ASXL2: variants seen among roughly 807,000 people sequenced by gnomAD.
The protein encoded by ASXL2 is ASXL transcriptional regulator 2, also known as putative Polycomb group protein ASXL2.
Under a neutral mutation model 122.0 loss-of-function variants are expected in ASXL2, and 23 were observed. The ratio of observed to expected loss-of-function variants is 0.19; its 90% confidence interval spans 0.14 to 0.27. ASXL2 has a LOEUF of 0.27. ASXL2 is among the 10% of genes least tolerant of loss of function. The pLI is 1.00. For missense variants in ASXL2, 1,518 were observed against 1,713.8 expected (o/e 0.89, Z 2.02); for synonymous variants, 650 against 637.0 (o/e 1.02, Z -0.31).
chr2:25,870,403 G>C (rs1022890357), intron 1 of ASXL2, among the ~76,000 whole-genome samples: 11 of 152,058 alleles, frequency 7.2e-5, no homozygotes, highest in African/African-American at 2.7e-4. Flanking sequence ...CGTGCCTGTA[G>C]TCCCAGCTAC....
At chr2:25,878,139 C>A (rs368058989) in intron 1 of ASXL2, 27 bp downstream of exon 1, 43 of 1,613,214 alleles carry the variant, frequency 2.7e-5, no homozygotes, top group South Asian at 6.6e-5. Flanking sequence ...ATCCTCCCGG[C>A]CTTCCCCTTC....
chr2:25,877,420 A>G (rs985654939), intron 1 of ASXL2, among the ~76,000 whole-genome samples: 6 of 152,164 alleles, frequency 3.9e-5, no homozygotes, highest in Non-Finnish European at 8.8e-5. Context: ...AATTAGGGGG[A>G]AAATTGTTTT....
At position 25,744,397 on chromosome 2, in the gene ASXL2, G is replaced by T. The variant is rs772199329; in HGVS notation, c.1940C>A (p.Thr647Asn). 6.2e-7 allele frequency: 1 copy of T among 1,613,894 alleles called. No homozygotes were observed. The highest frequency in any genetic ancestry group is 1.7e-5 in the Admixed American group (1 of 59,980). ...TCTGGCTCCTGTTCTGTTAGGACTA[G>T]TGATGGAGACTGGAAAACGAGCCCT... ...SPRARFPVSITSPNRTGARTL... is the reference protein window; with the variant it reads ...SPRARFPVSINSPNRTGARTL... Residue 647 changes from threonine (T) to asparagine (N), a missense_variant, in exon 13 of 13, where the codon ACT (threonine) becomes AAT (asparagine). Physicochemically the swap from Thr to Asn is moderately conservative, Grantham distance 65 (BLOSUM62 0). Transcript: ENST00000435504. The surrounding 1 kb of genome is among the most constrained non-coding windows in gnomAD (Gnocchi z 4.7).
intron 1 of ASXL2, among the ~76,000 whole-genome samples, chr2:25,869,196 G>A (rs954907571): frequency 6.6e-6 from 1 of 151,828 alleles, no homozygotes; most frequent in Non-Finnish European, 1.5e-5. Context: ...CAGGCATGGT[G>A]GCATGTGCCT....
chr2:25,791,141 G>A lies in ASXL2; in HGVS notation c.403+8244C>T, dbSNP rs78719404. On this transcript the variant is annotated intron_variant, in intron 5 of 12. Transcript: ENST00000435504. ...CCTGGTGTCTGGCTATGAAAATTTG[G>A]AAGAGTCATCAGTGTCTCCATTCTC... Among the ~76,000 whole-genome samples the A allele has an allele frequency of 8.2e-3, 1,248 of 151,920 alleles. 10 individuals carry two copies. The highest frequency in any genetic ancestry group is 0.029 in the African/African-American group (1,215 of 41,422).
rs1276991944 is a variant in ASXL2 at position 25,741,251 on chromosome 2, G to C, written c.*778C>G. Reference sequence around the variant, plus strand: ...TGCACAGCCTGTAACAACACAGGGGGTCCCAGAGAGGCACTCCCTTCACGG... The same window carrying C: ...TGCACAGCCTGTAACAACACAGGGGCTCCCAGAGAGGCACTCCCTTCACGG... On this transcript the variant is annotated 3_prime_UTR_variant, in exon 13 of 13. Coordinates refer to ENST00000435504, the MANE Select transcript of ASXL2 (RefSeq NM_018263.6). 4.4e-6 allele frequency: 1 copy of C among 225,820 alleles called. No individual in the cohort carries two copies. The highest frequency in any genetic ancestry group is 8.8e-6 in the Non-Finnish European group (1 of 113,572). The allele number at this position is 225,820 out of a possible 1,614,324, so 14.0% of individuals were successfully genotyped here. A position where few individuals can be genotyped will look rare whatever the true frequency, so the allele number is the denominator to read the frequency against.
Position 25,756,079 on chromosome 2 carries a change from T to C in ASXL2, c.975A>G (p.Ser325=), listed in dbSNP as rs1175312357. The C allele has an allele frequency of 6.2e-7, 1 of 1,610,438 alleles. No individual in the cohort carries two copies. The highest frequency in any genetic ancestry group is 8.5e-7 in the Non-Finnish European group (1 of 1,178,544). ...GPDGLMKLNG[S]ALNNEFFTSA... The stretch of plus-strand genomic sequence containing the variant: ...AAGTGAAGAATTCATTGTTAAGGGC[T>C]GAGCCATTTAACTTCATTAAACCAT... The change falls in exon 10 of 13, where the codon TCA becomes TCG. Residue 325 remains serine (S), a synonymous_variant. Coordinates refer to ENST00000435504, the MANE Select transcript of ASXL2 (RefSeq NM_018263.6).
At chr2:25,811,621 A>T (rs1293776588) in intron 3 of ASXL2, among the ~76,000 whole-genome samples, 1 of 152,178 alleles carries the variant, frequency 6.6e-6, no homozygotes, top group Non-Finnish European at 1.5e-5. Context: ...TAGTGGTTAT[A>T]AAAAGGCAAA....
At chr2:25,747,526 A>G (rs970604529) in intron 12 of ASXL2, among the ~76,000 whole-genome samples, 14 of 152,208 alleles carry the variant, frequency 9.2e-5, no homozygotes. Context: ...AACTGAAAAA[A>G]GTAAAATTAT....
At chr2:25,869,250 G>T (rs2089939961) in intron 1 of ASXL2, among the ~76,000 whole-genome samples, 1 of 151,894 alleles carries the variant, frequency 6.6e-6, no homozygotes, top group African/African-American at 2.4e-5. Flanking sequence ...AGGATCACCT[G>T]AGCCTGGGAG....
In ASXL2 at chr2:25,799,426, C is replaced by T. The variant is rs944105395; in HGVS notation, c.362G>A (p.Gly121Asp). The T allele has an allele frequency of 1.9e-6, 3 of 1,613,850 alleles. No individual in the cohort carries two copies. The highest frequency in any genetic ancestry group is 1.7e-5 in the Admixed American group (1 of 59,998). The stretch of plus-strand genomic sequence containing the variant: ...GCTCTTTTTTCCCTCCTTGTTGCTG[C>T]CACCATCACTGCTGCTGCTGCTGTT... ...SENSSSSSDG[G>D]SNKEGKKSRW... Residue 121 changes from glycine (G) to aspartate (D), a missense_variant, in exon 5 of 13, where the codon GGC becomes GAC. Gly to Asp is a moderately conservative substitution (Grantham distance 94, BLOSUM62 -1). Coordinates refer to ENST00000435504, the MANE Select transcript of ASXL2 (RefSeq NM_018263.6).
At chr2:25,760,594 T>C (rs1574401386) in intron 8 of ASXL2, among the ~76,000 whole-genome samples, 2 of 152,372 alleles carry the variant, frequency 1.3e-5, no homozygotes, top group African/African-American at 4.8e-5. Flanking sequence ...AAATTCTACA[T>C]TTTGAATTGC....
chr2:25,840,292 C>A (rs1317336504), intron 2 of ASXL2, among the ~76,000 whole-genome samples: 1 of 152,186 alleles, frequency 6.6e-6, no homozygotes, highest in Non-Finnish European at 1.5e-5. Context: ...CACCTAACTT[C>A]TTAAAGGGGC....
At chr2:25,802,013 TACCAC>T (rs1331444547) in intron 4 of ASXL2, among the ~76,000 whole-genome samples, 1 of 152,226 alleles carries the variant, frequency 6.6e-6, no homozygotes, top group Non-Finnish European at 1.5e-5. Context: ...CTGGAATCTT[TACCAC>T]TTAAGTCCAC....
intron 5 of ASXL2, among the ~76,000 whole-genome samples, chr2:25,796,455 C>CCTGG (rs2088912174): frequency 6.6e-6 from 1 of 152,150 alleles, no homozygotes; most frequent in African/African-American, 2.4e-5. Flanking sequence ...ACAAGATTTG[C>CCTGG]CCTCTTTGAA....
intron 3 of ASXL2, among the ~76,000 whole-genome samples, chr2:25,833,726 G>A (rs950852446): frequency 6.6e-6 from 1 of 152,022 alleles, no homozygotes; most frequent in Non-Finnish European, 1.5e-5. Context: ...TTGCTTTGGG[G>A]AACTATGCCC....
chr2:25,821,141 T>A (rs1361139209), intron 3 of ASXL2, among the ~76,000 whole-genome samples: 3 of 152,062 alleles, frequency 2.0e-5, no homozygotes, highest in Non-Finnish European at 4.4e-5. Flanking sequence ...ATCGCGCCAC[T>A]GCACTCCAGT....
At chr2:25,774,640 G>A (rs1342401297) in intron 5 of ASXL2, among the ~76,000 whole-genome samples, 1 of 152,120 alleles carries the variant, frequency 6.6e-6, no homozygotes, top group Non-Finnish European at 1.5e-5. Flanking sequence ...TTTTTCATCT[G>A]GGAATATTAG....
At chr2:25,847,897 G>A (rs1229506875) in intron 1 of ASXL2, among the ~76,000 whole-genome samples, 2 of 152,116 alleles carry the variant, frequency 1.3e-5, no homozygotes, top group Non-Finnish European at 1.5e-5. Flanking sequence ...CTATACTATT[G>A]TCCACTTTTG....
Sources: allele counts gnomAD v4.1 joint callset (sites outside exome capture counted in the v4.1 genomes callset), GRCh38; gene constraint gnomAD v4.1.1; non-coding constraint Gnocchi (gnomAD v3.1); transcripts MANE v1.5; gene names NCBI Gene and HGNC (gene_info 2026-07-23, HGNC 2026-07-21).